The following MAPKAPK3 variants were observed in gnomAD, a reference collection of about 807,000 sequenced individuals.
MAPKAPK3 encodes the protein MAP kinase-activated protein kinase 3.
A neutral mutation model predicts 49.2 loss-of-function variants in MAPKAPK3; 35 were observed. The observed-to-expected ratio is 0.71, with a 90% CI of 0.54 to 0.94. The LOEUF (loss-of-function observed/expected upper bound fraction) is 0.94. Among genes scored for constraint, MAPKAPK3 ranks in the 40% least tolerant of loss-of-function variants. The pLI, the probability that MAPKAPK3 is intolerant of heterozygous loss-of-function variation, is 0.00. For synonymous variants in MAPKAPK3, 178 were observed against 188.7 expected (o/e 0.94, Z 0.46); for missense variants, 398 against 493.1 (o/e 0.81, Z 1.83).
At chr3:50,611,592 C>G (rs1352361549), upstream of MAPKAPK3, 2 of 1,522,812 alleles carry the variant, frequency 1.3e-6, no homozygotes, top group East Asian at 5.5e-5. Flanking sequence ...CCGTGCGCCC[C>G]TCGTGGTGGC....
intron 2 of MAPKAPK3, among the ~76,000 whole-genome samples, chr3:50,639,847 C>T (rs2033132182): frequency 6.6e-6 from 1 of 152,186 alleles, no homozygotes; most frequent in Non-Finnish European, 1.5e-5. Flanking sequence ...TTACATTTCT[C>T]ATAGATGCCC....
At chr3:50,623,268 G>T (rs1039169997) in intron 2 of MAPKAPK3, among the ~76,000 whole-genome samples, 2 of 152,222 alleles carry the variant, frequency 1.3e-5, no homozygotes, top group Non-Finnish European at 2.9e-5. Context: ...AATCTGAGGA[G>T]CCAGAGTGTT....
chr3:50,630,464 A>G (rs568186502), intron 2 of MAPKAPK3, among the ~76,000 whole-genome samples: 1 of 152,366 alleles, frequency 6.6e-6, no homozygotes, highest in South Asian at 2.1e-4. Flanking sequence ...AGAATCCACA[A>G]AGCCTCCCTG....
At chr3:50,642,003 C>T (rs1481162916) in intron 4 of MAPKAPK3, among the ~76,000 whole-genome samples, 2 of 152,158 alleles carry the variant, frequency 1.3e-5, no homozygotes, top group African/African-American at 2.4e-5. Context: ...GATGCTGTCT[C>T]GCAGTTGAGC....
intron 2 of MAPKAPK3, among the ~76,000 whole-genome samples, chr3:50,637,722 A>AGAGG (rs1553626524): frequency 2.3e-5 from 3 of 132,494 alleles, no homozygotes; most frequent in African/African-American, 8.4e-5. Flanking sequence ...AGAGAGAGAG[A>AGAGG]GATGGAGACA....
chr3:50,622,424 G>A (rs1031791079), intron 2 of MAPKAPK3, among the ~76,000 whole-genome samples: 7 of 152,164 alleles, frequency 4.6e-5, no homozygotes, highest in Non-Finnish European at 8.8e-5. Context: ...CCTCTTCCAG[G>A]AAGCTGCCCA....
At chr3:50,627,608 G>T (rs1055836509) in intron 2 of MAPKAPK3, among the ~76,000 whole-genome samples, 2 of 152,156 alleles carry the variant, frequency 1.3e-5, no homozygotes, top group African/African-American at 4.8e-5. Context: ...GCCCAGGAGA[G>T]GGGGAGTGAG....
intron 2 of MAPKAPK3, among the ~76,000 whole-genome samples, chr3:50,618,064 T>G (rs887998093): frequency 6.6e-6 from 1 of 152,214 alleles, no homozygotes; most frequent in African/African-American, 2.4e-5. Flanking sequence ...GACTCCTGAC[T>G]CTGGGATTCT....
chr3:50,640,366 C>T lies in MAPKAPK3; in HGVS notation c.220C>T (p.Leu74Phe). Residue 74 changes from leucine to phenylalanine, a missense_variant and splice_region_variant, in exon 3 of 11, where the codon CTC becomes TTC. Physicochemically the swap from Leu to Phe is conservative, Grantham distance 22 (BLOSUM62 0). Coordinates refer to ENST00000621469, the MANE Select transcript of MAPKAPK3 (RefSeq NM_001243925.2). Reference sequence around the variant, plus strand: ...ACTTTCTATGTGCACCCACCTACAGCTCCTGTATGACAGCCCCAAGGCCCG... The same window carrying T: ...ACTTTCTATGTGCACCCACCTACAGTTCCTGTATGACAGCCCCAAGGCCCG... ...RRTGQKCALK[L>F]LYDSPKARQE... 6.2e-7 allele frequency: 1 copy of T among 1,612,924 alleles called. No individual in the cohort carries two copies. Among genetic ancestry groups the T allele is most frequent in the South Asian group, 1.1e-5 (1 of 90,994 alleles).
chr3:50,646,408 A>G lies in MAPKAPK3; in HGVS notation c.829+144A>G, dbSNP rs548515677. The G allele has an allele frequency of 4.3e-6, 5 of 1,172,392 alleles. No homozygotes were observed. The East Asian group carries it at 9.8e-5, about 23-fold the overall frequency. The allele number at this position is 1,172,392 out of a possible 1,614,324, so 72.6% of individuals were successfully genotyped here. On this transcript the variant is annotated intron_variant, in intron 8 of 10. Coordinates refer to ENST00000621469, the MANE Select transcript of MAPKAPK3 (RefSeq NM_001243925.2). ...CTATGGGACCCTAGGCAAGTCCCCT[A>G]ACCTTCTTGAGCCTCAGTTTCTACA...
intron 2 of MAPKAPK3, among the ~76,000 whole-genome samples, chr3:50,621,156 A>T (rs914749408): frequency 2.3e-4 from 35 of 152,148 alleles, no homozygotes; most frequent in African/African-American, 8.2e-4. Flanking sequence ...GGCACTTAGT[A>T]TCTCTAAATA....
chr3:50,611,666 G>C, upstream of MAPKAPK3: 1 of 1,484,330 alleles, frequency 6.7e-7, no homozygotes, highest in South Asian at 1.3e-5. Context: ...CGCGGCAGCG[G>C]CGACTCCGGA....
intron 10 of MAPKAPK3, 68 bp from the exon 11 acceptor site, chr3:50,647,825 AG>A (rs1372104623): frequency 7.5e-6 from 11 of 1,471,456 alleles, no homozygotes; most frequent in African/African-American, 1.4e-5. Context: ...CTGCCCAGGC[AG>A]GGGGGTGATG....
At chr3:50,627,495 G>A (rs1470344809) in intron 2 of MAPKAPK3, among the ~76,000 whole-genome samples, 1 of 152,186 alleles carries the variant, frequency 6.6e-6, no homozygotes, top group Non-Finnish European at 1.5e-5. Context: ...AGCTCTGAGG[G>A]TTATGACTCA....
chr3:50,616,017 G>A (rs1397217670), upstream of MAPKAPK3, among the ~76,000 whole-genome samples: 5 of 152,120 alleles, frequency 3.3e-5, no homozygotes, highest in East Asian at 7.7e-4. Flanking sequence ...CGCTCACTGG[G>A]CCTAAATTCC....
At chr3:50,634,491 C>CT (rs755345871) in intron 2 of MAPKAPK3, among the ~76,000 whole-genome samples, 144 of 142,542 alleles carry the variant, frequency 1.0e-3, no homozygotes, top group Middle Eastern at 3.6e-3. Flanking sequence ...TCTTCTTCTT[C>CT]TTTTTTTTTT....
At chr3:50,627,785 G>T (rs141671962) in intron 2 of MAPKAPK3, among the ~76,000 whole-genome samples, 1 of 152,282 alleles carries the variant, frequency 6.6e-6, no homozygotes, top group African/African-American at 2.4e-5. Context: ...GGGTGTCGGT[G>T]CCTTGGGAGT....
intron 2 of MAPKAPK3, among the ~76,000 whole-genome samples, chr3:50,638,090 GA>G (rs144448572): frequency 1.1e-3 from 175 of 152,288 alleles, no homozygotes; most frequent in Non-Finnish European, 2.0e-3. Context: ...TTCCAGCTGT[GA>G]GCTTGGACTT....
intron 2 of MAPKAPK3, among the ~76,000 whole-genome samples, chr3:50,621,039 C>CA (rs2032597532): frequency 6.6e-6 from 1 of 152,246 alleles, no homozygotes; most frequent in Admixed American, 6.5e-5. Flanking sequence ...AAGTGAGTCA[C>CA]ACGGTTTGAA....
Sources: gnomAD v4.1 joint callset for allele counts (sites outside exome capture counted in the v4.1 genomes callset) on GRCh38, gnomAD v4.1.1 for gene constraint, MANE v1.5 for transcripts, NCBI Gene and HGNC (gene_info 2026-07-23, HGNC 2026-07-21) for gene names.